The following PRDM16 variants were observed in gnomAD, a reference collection of about 807,000 sequenced individuals.
PRDM16 encodes the protein histone-lysine N-methyltransferase PRDM16.
A neutral mutation model predicts 110.6 loss-of-function variants in PRDM16; 23 were observed. That is an observed-to-expected ratio of 0.21 (90% CI 0.15 to 0.29). PRDM16 has a LOEUF of 0.29. Among genes scored for constraint, PRDM16 ranks in the 10% least tolerant of loss-of-function variants. PRDM16 has a pLI of 1.00. For missense variants in PRDM16, 1,615 were observed against 1,794.3 expected, an observed-to-expected ratio of 0.90 and a Z score of 1.81; for synonymous variants, 799 against 781.8, an observed-to-expected ratio of 1.02 and a Z score of -0.37.
At chr1:3,181,443 CTTACACGGT>C (rs1406391640) in intron 1 of PRDM16, among the ~76,000 whole-genome samples, 2 of 39,124 alleles carry the variant, frequency 5.1e-5, no homozygotes, top group African/African-American at 1.2e-4. Flanking sequence ...CACAAGCAGT[CTTACACGGT>C]CTTACACACG....
intron 3 of PRDM16, among the ~76,000 whole-genome samples, chr1:3,313,253 G>A (rs977209216): frequency 5.9e-5 from 9 of 152,240 alleles, no homozygotes; most frequent in African/African-American, 1.7e-4. Flanking sequence ...ATGTGACCGC[G>A]CTGTCTATGA....
intron 1 of PRDM16, among the ~76,000 whole-genome samples, chr1:3,139,999 GTCAGCCCCGGCGACGCA>G (rs1210477533): frequency 6.6e-6 from 1 of 152,266 alleles, no homozygotes; most frequent in Non-Finnish European, 1.5e-5. Flanking sequence ...AGTTCCCGCA[GTCAGCCCCGGCGACGCA>G]TCTCCCTCGG....
chr1:3,231,080 G>A (rs1408258918), intron 2 of PRDM16, among the ~76,000 whole-genome samples: 1 of 152,118 alleles, frequency 6.6e-6, no homozygotes, highest in Non-Finnish European at 1.5e-5. Flanking sequence ...GCCGTGGGCC[G>A]GGGTCAATGT....
chr1:3,335,053 G>T (rs972348411), intron 3 of PRDM16, among the ~76,000 whole-genome samples: 1 of 152,230 alleles, frequency 6.6e-6, no homozygotes, highest in Admixed American at 6.5e-5. Context: ...CAGAGAGGAC[G>T]GGGTGGCAGG....
chr1:3,127,002 A>G (rs12410830), intron 1 of PRDM16, among the ~76,000 whole-genome samples: 4,635 of 152,288 alleles, frequency 0.03, 106 homozygotes, highest in South Asian at 0.055. Flanking sequence ...CACAATTGCT[A>G]GGGTCCTGTC....
chr1:3,261,047 C>T (rs568915417), intron 3 of PRDM16, among the ~76,000 whole-genome samples: 2 of 151,202 alleles, frequency 1.3e-5, no homozygotes, highest in Non-Finnish European at 2.9e-5. Flanking sequence ...CACTCAAGTT[C>T]CTGGGCTAGG....
chr1:3,379,135 CACCCCTCCCAGCA>C (rs1643049933), intron 3 of PRDM16, among the ~76,000 whole-genome samples: 1 of 68,002 alleles, frequency 1.5e-5, no homozygotes, highest in Admixed American at 2.1e-4. Context: ...CCTCCCAACA[CACCCCTCCCAGCA>C]CACCCCTCCC....
At chr1:3,406,049 C>T (rs570792348) in intron 8 of PRDM16, among the ~76,000 whole-genome samples, 149 of 152,346 alleles carry the variant, frequency 9.8e-4, no homozygotes, top group Non-Finnish European at 1.6e-3. Flanking sequence ...CTGCCCTGCA[C>T]GTGACAGTCT....
At chr1:3,135,476 G>A (rs999110009) in intron 1 of PRDM16, among the ~76,000 whole-genome samples, 2 of 152,218 alleles carry the variant, frequency 1.3e-5, no homozygotes, top group African/African-American at 4.8e-5. Flanking sequence ...TGAGTTCAAC[G>A]TGCCAGGAGC....
At chr1:3,079,315 C>T (rs1488601001) in intron 1 of PRDM16, among the ~76,000 whole-genome samples, 3 of 152,308 alleles carry the variant, frequency 2.0e-5, no homozygotes, top group Admixed American at 1.3e-4. Flanking sequence ...CCCTGTCCCA[C>T]GCGCTGCCTG....
intron 14 of PRDM16, among the ~76,000 whole-genome samples, chr1:3,428,786 G>C (rs557550163): frequency 0.076 from 11,510 of 152,294 alleles, 484 homozygotes; most frequent in Middle Eastern, 0.11. Flanking sequence ...CCAGCCCCCG[G>C]TACCTCAGAA....
At chr1:3,288,358 C>T (rs191852084) in intron 3 of PRDM16, among the ~76,000 whole-genome samples, 44 of 152,332 alleles carry the variant, frequency 2.9e-4, no homozygotes, top group South Asian at 4.1e-4. Flanking sequence ...TCCCACTCCC[C>T]GCTCTGTCTC....
chr1:3,385,799 T>A (rs1643185627), intron 4 of PRDM16, among the ~76,000 whole-genome samples: 1 of 152,228 alleles, frequency 6.6e-6, no homozygotes, highest in Non-Finnish European at 1.5e-5. Context: ...TTGGCCTTTT[T>A]GGCACAAAGT....
At chr1:3,166,571 T>A (rs575867452) in intron 1 of PRDM16, among the ~76,000 whole-genome samples, 2 of 152,312 alleles carry the variant, frequency 1.3e-5, no homozygotes, top group Non-Finnish European at 2.9e-5. Flanking sequence ...AAAGAGAAAG[T>A]GCTCACGAAG....
chr1:3,210,501 T>C (rs1371292799), intron 2 of PRDM16, among the ~76,000 whole-genome samples: 1 of 152,222 alleles, frequency 6.6e-6, no homozygotes, highest in African/African-American at 2.4e-5. Context: ...CGCGTGTGTC[T>C]GTGCACGCGT....
At chr1:3,128,861 C>T (rs529893204) in intron 1 of PRDM16, among the ~76,000 whole-genome samples, 1 of 152,354 alleles carries the variant, frequency 6.6e-6, no homozygotes, top group South Asian at 2.1e-4. Flanking sequence ...ACTGTTCGGC[C>T]CTCACTAACA....
At chr1:3,113,418 G>A (rs58968988) in intron 1 of PRDM16, among the ~76,000 whole-genome samples, 26,354 of 151,712 alleles carry the variant, frequency 0.17, 3,215 homozygotes, top group African/African-American at 0.33. Flanking sequence ...GGAGGGCGTG[G>A]GGATGCCCAG....
chr1:3,231,057 C>T (rs72632103), intron 2 of PRDM16, among the ~76,000 whole-genome samples: 9,816 of 152,246 alleles, frequency 0.064, 489 homozygotes, highest in South Asian at 0.24. Context: ...CTCCTTGGAG[C>T]CGTGGTGTCT....
intron 1 of PRDM16, among the ~76,000 whole-genome samples, chr1:3,147,348 T>C (rs1033295438): frequency 6.6e-6 from 1 of 151,604 alleles, no homozygotes; most frequent in Non-Finnish European, 1.5e-5. Flanking sequence ...CACCTGGGCC[T>C]GTTTGCCGTC....
Sources: allele counts gnomAD v4.1 joint callset (sites outside exome capture counted in the v4.1 genomes callset), GRCh38; gene constraint gnomAD v4.1.1; transcripts MANE v1.5; gene names NCBI Gene and HGNC (gene_info 2026-07-23, HGNC 2026-07-21).